NXPH1: variants seen among roughly 807,000 people sequenced by gnomAD.
NXPH1 encodes neurexophilin-1.
Under a neutral mutation model 23.7 loss-of-function variants are expected in NXPH1, and 5 were observed. That is an observed-to-expected ratio of 0.21 (90% confidence interval 0.11 to 0.44). The LOEUF is 0.44. NXPH1 is among the 20% of genes least tolerant of loss of function. The probability of loss-of-function intolerance (pLI) is 0.99; values close to 1 mark genes in which losing one functional copy is unlikely to be tolerated. For missense variants in NXPH1, 324 were observed against 321.6 expected (o/e 1.01, Z -0.06); for synonymous variants, 144 against 122.2 (o/e 1.18, Z -1.18).
In NXPH1 at chr7:8,617,402, C is replaced by G. The variant is rs545361766; in HGVS notation, c.55-133606C>G. Among the ~76,000 whole-genome samples the G allele has an allele frequency of 1.8e-4, 28 of 152,012 alleles. 1 individual carries two copies. In the South Asian group the frequency reaches 5.2e-3, roughly 28 times the overall value. On this transcript the variant is annotated intron_variant, in intron 2 of 2. Coordinates refer to ENST00000405863, the MANE Select transcript of NXPH1 (RefSeq NM_152745.3). Reference sequence around the variant, plus strand: ...TACAATAGCTAAGATTTGGATGCAACCTAAGTGTCCATCAACAGATGAATG... The same window carrying G: ...TACAATAGCTAAGATTTGGATGCAAGCTAAGTGTCCATCAACAGATGAATG...
chr7:8,693,534 C>T (rs1237597617), intron 2 of NXPH1, among the ~76,000 whole-genome samples: 1 of 152,314 alleles, frequency 6.6e-6, no homozygotes, highest in Admixed American at 6.5e-5. Context: ...TCTTTTAAAA[C>T]TTTGTTTCCT....
chr7:8,650,674 G>A (rs1316050983), intron 2 of NXPH1, among the ~76,000 whole-genome samples: 1 of 152,074 alleles, frequency 6.6e-6, no homozygotes, highest in Non-Finnish European at 1.5e-5. Flanking sequence ...AGTCTCTTTA[G>A]TTGCCACATG....
chr7:8,524,855 TA>T (rs1817838168), intron 2 of NXPH1, among the ~76,000 whole-genome samples: 2 of 152,232 alleles, frequency 1.3e-5, no homozygotes, highest in African/African-American at 2.4e-5. Flanking sequence ...CATGGAACTG[TA>T]AGTCCAATTA....
In NXPH1 at chr7:8,442,707, G is replaced by A. The variant is rs1816323230; in HGVS notation, c.54+6940G>A. Among the ~76,000 whole-genome samples the A allele has an allele frequency of 1.3e-5, 2 of 152,368 alleles. No individual in the cohort carries two copies. Among genetic ancestry groups the A allele is most frequent in the Admixed American group, 6.5e-5 (1 of 15,312 alleles). On this transcript the variant is annotated intron_variant, in intron 2 of 2. Coordinates refer to ENST00000405863, the MANE Select transcript of NXPH1 (RefSeq NM_152745.3). The surrounding 1 kb of genome is among the most constrained non-coding windows in gnomAD (Gnocchi z 4.6). ...CCGTAGTGGCCGCCGCCACAGCTGCGCGCTTTATTGTCTGCTTTCAGTCGC... is the reference window on the plus strand; with the variant it reads ...CCGTAGTGGCCGCCGCCACAGCTGCACGCTTTATTGTCTGCTTTCAGTCGC...
intron 2 of NXPH1, among the ~76,000 whole-genome samples, chr7:8,437,225 C>G (rs929535698): frequency 6.6e-6 from 1 of 152,160 alleles, no homozygotes; most frequent in Admixed American, 6.5e-5. Context: ...AGGCGGAATG[C>G]AAAAAGTGTC....
intron 2 of NXPH1, among the ~76,000 whole-genome samples, chr7:8,482,942 A>G (rs761253194): frequency 6.6e-6 from 1 of 152,228 alleles, no homozygotes; most frequent in African/African-American, 2.4e-5. Flanking sequence ...TGTTATCCAA[A>G]TAAACGAAAT....
intron 2 of NXPH1, among the ~76,000 whole-genome samples, chr7:8,503,072 G>C (rs1401895521): frequency 6.6e-6 from 1 of 152,006 alleles, no homozygotes; most frequent in Non-Finnish European, 1.5e-5. Flanking sequence ...TTTCATGATG[G>C]TGCTTTGCTT....
chr7:8,661,511 G>C (rs1360664919), intron 2 of NXPH1, among the ~76,000 whole-genome samples: 1 of 151,950 alleles, frequency 6.6e-6, no homozygotes, highest in African/African-American at 2.4e-5. Context: ...TTTGTTTTCT[G>C]TCTGAAGTGG....
chr7:8,691,009 T>C (rs771865295), intron 2 of NXPH1, among the ~76,000 whole-genome samples: 2 of 152,212 alleles, frequency 1.3e-5, no homozygotes, highest in Non-Finnish European at 2.9e-5. Flanking sequence ...TAGTTAACAA[T>C]TGGTAGATTC....
chr7:8,565,885 A>T (rs1442539161), intron 2 of NXPH1, among the ~76,000 whole-genome samples: 1 of 151,740 alleles, frequency 6.6e-6, no homozygotes, highest in Admixed American at 6.6e-5. Context: ...TAAAGTATTC[A>T]TTTAGTTTAG....
At chr7:8,699,187 C>T (rs981793042) in intron 2 of NXPH1, among the ~76,000 whole-genome samples, 3 of 152,080 alleles carry the variant, frequency 2.0e-5, no homozygotes, top group African/African-American at 7.2e-5. Flanking sequence ...TAGGTTTTCT[C>T]ATTTTTCATT....
chr7:8,661,772 T>G (rs1820678735), intron 2 of NXPH1, among the ~76,000 whole-genome samples: 1 of 152,148 alleles, frequency 6.6e-6, no homozygotes, highest in African/African-American at 2.4e-5. Flanking sequence ...TACTCAGTTT[T>G]TAACTTCTTA....
At chr7:8,714,579 G>A (rs1005500723) in intron 2 of NXPH1, among the ~76,000 whole-genome samples, 6 of 151,800 alleles carry the variant, frequency 4.0e-5, no homozygotes, top group South Asian at 2.1e-4. Flanking sequence ...TCTGTGTCTC[G>A]CCCAATGCCC....
intron 2 of NXPH1, among the ~76,000 whole-genome samples, chr7:8,653,280 A>G (rs1454688398): frequency 1.3e-5 from 2 of 152,194 alleles, no homozygotes; most frequent in African/African-American, 4.8e-5. Flanking sequence ...TATGAGTTAC[A>G]GTACAGTTTC....
chr7:8,479,279 G>C (rs1050376498), intron 2 of NXPH1, among the ~76,000 whole-genome samples: 1 of 152,082 alleles, frequency 6.6e-6, no homozygotes, highest in Non-Finnish European at 1.5e-5. Flanking sequence ...AACTTCATTG[G>C]TGGTGGTAGT....
At chr7:8,545,264 C>A (rs1396102238) in intron 2 of NXPH1, among the ~76,000 whole-genome samples, 1 of 151,510 alleles carries the variant, frequency 6.6e-6, no homozygotes, top group Non-Finnish European at 1.5e-5. Flanking sequence ...AATTTCTACT[C>A]TTGGGATCAT....
chr7:8,461,687 G>A (rs558261539), intron 2 of NXPH1, among the ~76,000 whole-genome samples: 15 of 150,430 alleles, frequency 1.0e-4, no homozygotes, highest in Non-Finnish European at 1.5e-4. Flanking sequence ...AAAATTAGCC[G>A]GGCGCGGTGG....
At chr7:8,475,603 G>C (rs1421229483) in intron 2 of NXPH1, among the ~76,000 whole-genome samples, 1 of 152,104 alleles carries the variant, frequency 6.6e-6, no homozygotes, top group Non-Finnish European at 1.5e-5. Context: ...TGCAACAAGG[G>C]AATCGGGACT....
At chr7:8,580,177 G>A (rs966769007) in intron 2 of NXPH1, among the ~76,000 whole-genome samples, 2 of 152,196 alleles carry the variant, frequency 1.3e-5, no homozygotes, top group African/African-American at 2.4e-5. Flanking sequence ...CCATGTAAGA[G>A]AACAGAAGGA....
Sources: gnomAD v4.1 joint callset for allele counts (sites outside exome capture counted in the v4.1 genomes callset) on GRCh38, gnomAD v4.1.1 for gene constraint, Gnocchi (gnomAD v3.1) non-coding constraint, MANE v1.5 for transcripts, NCBI Gene and HGNC (gene_info 2026-07-23, HGNC 2026-07-21) for gene names.